Variants in NR3C2 observed in about 807,000 individuals in gnomAD.
NR3C2 encodes mineralocorticoid receptor.
A neutral mutation model predicts 86.4 loss-of-function variants in NR3C2; 15 were observed. That is an observed-to-expected ratio of 0.17 (90% CI 0.12 to 0.27). The LOEUF (loss-of-function observed/expected upper bound fraction) is 0.27. Among genes scored for constraint, NR3C2 ranks in the 10% least tolerant of loss-of-function variants. The pLI is 1.00. For missense variants in NR3C2, 960 were observed against 1,195.6 expected (o/e 0.80, Z 2.91); for synonymous variants, 458 against 450.5 (o/e 1.02, Z -0.21).
intron 2 of NR3C2, among the ~76,000 whole-genome samples, chr4:148,309,844 C>T (rs545802516): frequency 7.2e-5 from 11 of 152,188 alleles, no homozygotes; most frequent in African/African-American, 2.4e-4. Context: ...TTTATCTCAT[C>T]ATAGTAACTA....
intron 2 of NR3C2, among the ~76,000 whole-genome samples, chr4:148,428,873 AT>A (rs1749672914): frequency 6.6e-6 from 1 of 152,168 alleles, no homozygotes; most frequent in African/African-American, 2.4e-5. Flanking sequence ...CTCTCCTGCC[AT>A]GTCCTGCTCC....
At chr4:148,183,710 C>G (rs1735750029) in intron 4 of NR3C2, among the ~76,000 whole-genome samples, 1 of 152,154 alleles carries the variant, frequency 6.6e-6, no homozygotes, top group Non-Finnish European at 1.5e-5. Context: ...GCTCAGAGCA[C>G]AGCAAGCCCT....
At chr4:148,123,631 A>G (rs1732614818) in intron 6 of NR3C2, among the ~76,000 whole-genome samples, 1 of 152,160 alleles carries the variant, frequency 6.6e-6, no homozygotes, top group Non-Finnish European at 1.5e-5. Context: ...CTCTCTTTAT[A>G]CTGTCTCTTT....
intron 3 of NR3C2, among the ~76,000 whole-genome samples, chr4:148,239,744 T>G (rs921265090): frequency 6.6e-6 from 1 of 152,120 alleles, no homozygotes; most frequent in African/African-American, 2.4e-5. Flanking sequence ...TTTTGGTATA[T>G]GGGAAGATGA....
chr4:148,230,678 A>G (rs1233434733), intron 3 of NR3C2, among the ~76,000 whole-genome samples: 2 of 152,218 alleles, frequency 1.3e-5, no homozygotes, highest in Non-Finnish European at 2.9e-5. Context: ...TTAACATCCA[A>G]TGCCTTTACC....
intron 2 of NR3C2, among the ~76,000 whole-genome samples, chr4:148,374,320 G>T (rs1415261549): frequency 1.3e-5 from 2 of 152,026 alleles, no homozygotes; most frequent in Non-Finnish European, 2.9e-5. Flanking sequence ...CTCTTAAAAA[G>T]GCAAAATAAT....
chr4:148,245,433 C>T (rs1285131265), intron 3 of NR3C2, among the ~76,000 whole-genome samples: 1 of 152,174 alleles, frequency 6.6e-6, no homozygotes, highest in East Asian at 1.9e-4. Context: ...CTGTCCTTCA[C>T]TGTGTAACTA....
chr4:148,104,020 T>A (rs574323189), intron 8 of NR3C2, among the ~76,000 whole-genome samples: 4 of 152,240 alleles, frequency 2.6e-5, no homozygotes, highest in African/African-American at 9.6e-5. Context: ...ATGCTTTATA[T>A]GAAAATAAGC....
At chr4:148,188,766 T>C (rs1736056727) in intron 4 of NR3C2, among the ~76,000 whole-genome samples, 1 of 152,158 alleles carries the variant, frequency 6.6e-6, no homozygotes, top group Admixed American at 6.5e-5. Flanking sequence ...CTTCCAGTAC[T>C]ATGTTGAAGA....
chr4:148,173,554 T>C (rs1319533937), intron 4 of NR3C2, among the ~76,000 whole-genome samples: 2 of 152,188 alleles, frequency 1.3e-5, no homozygotes, highest in East Asian at 1.9e-4. Context: ...GAGCCTCCTC[T>C]AAGGAACACA....
intron 3 of NR3C2, among the ~76,000 whole-genome samples, chr4:148,233,050 A>G (rs1252180657): frequency 6.6e-6 from 1 of 152,236 alleles, no homozygotes; most frequent in Non-Finnish European, 1.5e-5. Flanking sequence ...AACTTTCTCC[A>G]TATCAGCATT....
chr4:148,327,193 T>C (rs1426037229), intron 2 of NR3C2, among the ~76,000 whole-genome samples: 4 of 151,896 alleles, frequency 2.6e-5, no homozygotes, highest in Non-Finnish European at 5.9e-5. Context: ...TAAAAATATC[T>C]TATTTCCTCA....
At position 148,154,807 on chromosome 4, in the gene NR3C2, G is replaced by A; in HGVS notation, c.2109C>T (p.Ser703=). The A allele has an allele frequency of 2.2e-6, 3 of 1,369,758 alleles. No individual in the cohort carries two copies. The highest frequency in any genetic ancestry group is 2.9e-6 in the Non-Finnish European group (3 of 1,023,314). 84.9% of individuals were successfully genotyped at this position (1,369,758 alleles called of 1,614,324 possible). The change falls in exon 5 of 9, where the codon AGC becomes AGT. Residue 703 remains serine (S), a synonymous_variant. Coordinates refer to ENST00000358102, the MANE Select transcript of NR3C2 (RefSeq NM_000901.5). The stretch of plus-strand genomic sequence containing the variant: ...CGATGTACGTTGTCCCTTCCTCTGG[G>A]CTTTGCGGGGGTGGGGGTGGGGGTG... ...QPPPPPPPPQ[S]PEEGTTYIAP...
At chr4:148,102,524 G>A (rs1216153677) in intron 8 of NR3C2, among the ~76,000 whole-genome samples, 4 of 152,072 alleles carry the variant, frequency 2.6e-5, no homozygotes, top group Non-Finnish European at 5.9e-5. Context: ...ACTCTGGGGA[G>A]TTCTCTTTGA....
intron 6 of NR3C2, 41 bp from the exon 7 acceptor site, chr4:148,120,329 C>T (rs72648713): frequency 2.9e-4 from 474 of 1,612,810 alleles, no homozygotes; most frequent in Non-Finnish European, 3.7e-4. Context: ...ATGCAAGATT[C>T]ATTATCAAAC....
At chr4:148,295,867 C>T (rs1015098748) in intron 2 of NR3C2, among the ~76,000 whole-genome samples, 3 of 151,776 alleles carry the variant, frequency 2.0e-5, no homozygotes, top group African/African-American at 7.3e-5. Context: ...GCCTACCTTA[C>T]CCACACAATT....
intron 6 of NR3C2, among the ~76,000 whole-genome samples, chr4:148,120,823 ATACTT>A (rs1732476454): frequency 1.3e-5 from 2 of 152,250 alleles, no homozygotes; most frequent in Admixed American, 6.5e-5. Context: ...AAATTAAAAA[ATACTT>A]TAAAAGGTGA....
Position 148,081,365 on chromosome 4 carries a change from C to A in NR3C2, c.2934G>T (p.Pro978=). The A allele has an allele frequency of 2.5e-6, 4 of 1,614,116 alleles. No homozygotes were observed. Among genetic ancestry groups the A allele is most frequent in the Admixed American group, 1.7e-5 (1 of 60,014 alleles). The change falls in exon 9 of 9, where the codon CCG becomes CCT. Residue 978 remains proline, a synonymous_variant. Transcript: ENST00000358102. ...GCAGTCACTTCCGGTGGAAGTAGAG[C>A]GGCTTGGCGTTCCCCGACTCCACCT... ...LPKVESGNAK[P]LYFHRK
At chr4:148,135,502 AG>A (rs1043985804) in intron 6 of NR3C2, among the ~76,000 whole-genome samples, 17 of 152,176 alleles carry the variant, frequency 1.1e-4, no homozygotes, top group African/African-American at 4.1e-4. Context: ...CTCAGCCTCT[AG>A]GACTGTAAGA....
Sources: allele counts gnomAD v4.1 joint callset (sites outside exome capture counted in the v4.1 genomes callset), GRCh38; gene constraint gnomAD v4.1.1; transcripts MANE v1.5; gene names NCBI Gene and HGNC (gene_info 2026-07-23, HGNC 2026-07-21).